CCDC93: variants seen among roughly 807,000 people sequenced by gnomAD.
The protein encoded by CCDC93 is coiled-coil domain-containing protein 93.
Under a neutral mutation model 108.2 loss-of-function variants are expected in CCDC93, and 61 were observed. The observed-to-expected ratio is 0.56, with a 90% CI of 0.46 to 0.70. CCDC93 has a LOEUF of 0.70. Among genes scored for constraint, CCDC93 ranks in the 30% least tolerant of loss-of-function variants. The probability of loss-of-function intolerance (pLI) is 0.00; values close to 1 mark genes in which losing one functional copy is unlikely to be tolerated. For synonymous variants in CCDC93, 276 were observed against 260.4 expected (o/e 1.06, Z -0.58); for missense variants, 685 against 764.2 (o/e 0.90, Z 1.22).
In CCDC93 at chr2:117,978,028, C is replaced by A; in HGVS notation, c.623G>T (p.Arg208Ile). The part of the protein sequence containing the change: ...IHATLLEYGR[R>I]YGFSRQSKME... ...TTTGCTCTGGCGGCTAAATCCATAT[C>A]TCCTGCAGGCCACAAAAAAGGAGTT... Residue 208 changes from arginine to isoleucine, a missense_variant and splice_region_variant, in exon 8 of 24, where the codon AGA (arginine) becomes ATA (isoleucine). Arg to Ile is a moderately conservative substitution (Grantham distance 97, BLOSUM62 -3). Transcript: ENST00000376300. The A allele has an allele frequency of 3.1e-6, 5 of 1,613,788 alleles. No individual in the cohort carries two copies. Among genetic ancestry groups the A allele is most frequent in the Non-Finnish European group, 4.2e-6 (5 of 1,179,656 alleles).
intron 23 of CCDC93, among the ~76,000 whole-genome samples, chr2:117,925,692 TG>T (rs1678062050): frequency 6.6e-6 from 1 of 152,148 alleles, no homozygotes; most frequent in Non-Finnish European, 1.5e-5. Flanking sequence ...AACACCCCAC[TG>T]TCAACATTAG....
chr2:117,970,789 T>C (rs866491062), intron 11 of CCDC93, among the ~76,000 whole-genome samples: 1 of 152,250 alleles, frequency 6.6e-6, no homozygotes. Flanking sequence ...TTATAGTTGC[T>C]ACAGTAACAA....
At chr2:117,970,986 C>A (rs1034380961) in intron 11 of CCDC93, among the ~76,000 whole-genome samples, 3 of 152,222 alleles carry the variant, frequency 2.0e-5, no homozygotes, top group East Asian at 1.9e-4. Flanking sequence ...CAATGGCAAA[C>A]AGAAACAACT....
intron 18 of CCDC93, 112 bp downstream of exon 18, chr2:117,943,912 C>T: frequency 1.5e-6 from 1 of 645,206 alleles, no homozygotes; most frequent in South Asian, 2.5e-5. Context: ...GAACAGCAGC[C>T]TCATTACTTA....
At chr2:118,002,327 A>G (rs1676726060) in intron 3 of CCDC93, among the ~76,000 whole-genome samples, 1 of 152,158 alleles carries the variant, frequency 6.6e-6, no homozygotes, top group Non-Finnish European at 1.5e-5. Context: ...GCTGGGTGAG[A>G]GTTATTACTG....
intron 3 of CCDC93, among the ~76,000 whole-genome samples, chr2:118,004,493 C>T (rs1409990612): frequency 6.6e-6 from 1 of 152,216 alleles, no homozygotes; most frequent in Non-Finnish European, 1.5e-5. Context: ...CTTGGACATA[C>T]GTCCAGCCCA....
At chr2:117,960,673 A>G (rs1679363493) in intron 11 of CCDC93, among the ~76,000 whole-genome samples, 3 of 152,188 alleles carry the variant, frequency 2.0e-5, no homozygotes, top group Admixed American at 2.0e-4. Flanking sequence ...ATGTGGAAAG[A>G]TTATTTCTGT....
chr2:117,979,522 A>G (rs774874764), intron 7 of CCDC93, among the ~76,000 whole-genome samples: 1 of 152,224 alleles, frequency 6.6e-6, no homozygotes, highest in Non-Finnish European at 1.5e-5. Flanking sequence ...TCCTGAGGGC[A>G]AAGATTCTAC....
chr2:117,940,440 G>A (rs1200854020), intron 19 of CCDC93, among the ~76,000 whole-genome samples: 2 of 152,190 alleles, frequency 1.3e-5, no homozygotes, highest in Non-Finnish European at 2.9e-5. Context: ...GTGTGGACTG[G>A]CAAGGCCAGA....
At chr2:117,978,185 A>G (rs1680003130) in intron 7 of CCDC93, among the ~76,000 whole-genome samples, 155 bp from the exon 8 acceptor site, 1 of 152,208 alleles carries the variant, frequency 6.6e-6, no homozygotes, top group South Asian at 2.1e-4. Flanking sequence ...AATTACAAAC[A>G]TATTCCACTG....
chr2:117,921,145 C>A (rs887682231), intron 23 of CCDC93, among the ~76,000 whole-genome samples: 3 of 149,272 alleles, frequency 2.0e-5, no homozygotes, highest in Non-Finnish European at 4.4e-5. Context: ...CCACTGCACT[C>A]CAGCCTGGGT....
intron 3 of CCDC93, among the ~76,000 whole-genome samples, chr2:118,003,937 C>G (rs1481787603): frequency 6.6e-6 from 1 of 152,176 alleles, no homozygotes; most frequent in East Asian, 1.9e-4. Context: ...CTAAAAATCA[C>G]AGAAATTAGC....
chr2:117,980,464 A>G (rs1488070300), intron 7 of CCDC93, among the ~76,000 whole-genome samples: 1 of 152,182 alleles, frequency 6.6e-6, no homozygotes, highest in Non-Finnish European at 1.5e-5. Flanking sequence ...GGAAGTGAAC[A>G]ACCAAATCTG....
chr2:117,986,782 G>A (rs746132199), intron 6 of CCDC93, among the ~76,000 whole-genome samples: 7 of 152,098 alleles, frequency 4.6e-5, no homozygotes, highest in Non-Finnish European at 1.0e-4. Flanking sequence ...TGATGCTAAA[G>A]GTTGTTCTTA....
At chr2:117,952,260 C>T (rs1679081086) in intron 13 of CCDC93, 113 bp downstream of exon 13, 2 of 777,078 alleles carry the variant, frequency 2.6e-6, no homozygotes, top group East Asian at 5.1e-5. Context: ...CCTCTGAGAA[C>T]AGGATCGTGT....
intron 7 of CCDC93, among the ~76,000 whole-genome samples, chr2:117,978,892 C>T (rs1370411411): frequency 6.6e-6 from 1 of 152,134 alleles, no homozygotes; most frequent in Non-Finnish European, 1.5e-5. Context: ...CCTGTAGTCC[C>T]AGCTACTTGG....
chr2:117,926,945 G>A (rs1294260979), intron 23 of CCDC93, among the ~76,000 whole-genome samples: 2 of 152,056 alleles, frequency 1.3e-5, no homozygotes, highest in Admixed American at 1.3e-4. Flanking sequence ...TTCATCCCTG[G>A]GATGCAAGGC....
chr2:117,964,266 A>G (rs1362235266), intron 11 of CCDC93, among the ~76,000 whole-genome samples: 1 of 152,202 alleles, frequency 6.6e-6, no homozygotes, highest in Non-Finnish European at 1.5e-5. Flanking sequence ...TTCATAATCT[A>G]GCCAGACAAA....
intron 19 of CCDC93, among the ~76,000 whole-genome samples, chr2:117,940,871 G>A (rs993591384): frequency 1.3e-5 from 2 of 152,304 alleles, no homozygotes; most frequent in South Asian, 2.1e-4. Flanking sequence ...TAGACACCAG[G>A]GTCACGATGT....
Sources: allele counts gnomAD v4.1 joint callset (sites outside exome capture counted in the v4.1 genomes callset), GRCh38; gene constraint gnomAD v4.1.1; transcripts MANE v1.5; gene names NCBI Gene and HGNC (gene_info 2026-07-23, HGNC 2026-07-21).